The following SYNDIG1 variants were observed in gnomAD, a reference collection of about 807,000 sequenced individuals.
The protein encoded by SYNDIG1 is synapse differentiation-inducing gene protein 1.
In SYNDIG1, 9 loss-of-function variants were observed where a neutral mutation model predicts 19.4. That is an observed-to-expected ratio of 0.46 (90% CI 0.28 to 0.81). The LOEUF (loss-of-function observed/expected upper bound fraction) is 0.81, where lower values mean the gene tolerates loss of function less well. Ranked by LOEUF, SYNDIG1 falls within the 30% of genes least tolerant of loss-of-function variation. The probability of loss-of-function intolerance (pLI) is 0.12; values close to 1 mark genes in which losing one functional copy is unlikely to be tolerated. For synonymous variants in SYNDIG1, 141 were observed against 145.9 expected, an observed-to-expected ratio of 0.97 and a Z score of 0.24; for missense variants, 311 against 343.3, an observed-to-expected ratio of 0.91 and a Z score of 0.74.
intron 1 of SYNDIG1, among the ~76,000 whole-genome samples, chr20:24,516,611 C>A (rs537953733): frequency 1.3e-5 from 2 of 152,318 alleles, no homozygotes; most frequent in South Asian, 4.2e-4. Context: ...ATCAAAACCA[C>A]AATGAGATAC....
At chr20:24,470,282 G>A (rs1313989785) in intron 1 of SYNDIG1, among the ~76,000 whole-genome samples, 1 of 152,224 alleles carries the variant, frequency 6.6e-6, no homozygotes, top group African/African-American at 2.4e-5. Flanking sequence ...TTTGGGAGTA[G>A]GAAGGGAAAC....
Position 24,543,184 on chromosome 20 carries a change from A to C in SYNDIG1, c.87A>C (p.Arg29Ser). The change falls in exon 2 of 4, where the codon AGA becomes AGC. Residue 29 changes from arginine (R) to serine (S), a missense_variant. Coordinates refer to ENST00000376862, the MANE Select transcript of SYNDIG1 (RefSeq NM_024893.3). The part of the protein sequence containing the change: ...AGKRNGLINT[R>S]NLMAESRDGL... ...AGAGGAATGGTTTAATTAACACCAG[A>C]AACTTGATGGCCGAGAGCAGAGATG... 6.2e-7 allele frequency: 1 copy of C among 1,614,130 alleles called. No individual in the cohort carries two copies. The highest frequency in any genetic ancestry group is 2.2e-5 in the East Asian group (1 of 44,876).
chr20:24,589,375 AT>A (rs1196432476), intron 3 of SYNDIG1, among the ~76,000 whole-genome samples: 1 of 152,262 alleles, frequency 6.6e-6, no homozygotes, highest in Non-Finnish European at 1.5e-5. Flanking sequence ...CCTTAAAGCC[AT>A]ATTTTCTGCA....
chr20:24,558,046 A>G (rs1229413134), intron 2 of SYNDIG1, among the ~76,000 whole-genome samples: 1 of 152,120 alleles, frequency 6.6e-6, no homozygotes, highest in African/African-American at 2.4e-5. Context: ...GAAGTGTAAC[A>G]ATGTATAGGA....
intron 3 of SYNDIG1, among the ~76,000 whole-genome samples, chr20:24,661,785 G>A (rs1490554332): frequency 6.6e-6 from 1 of 152,118 alleles, no homozygotes; most frequent in East Asian, 1.9e-4. Flanking sequence ...TCCACCAGGA[G>A]CGTCAGAAGG....
intron 1 of SYNDIG1, among the ~76,000 whole-genome samples, chr20:24,538,036 G>T (rs1025551037): frequency 6.6e-6 from 1 of 152,082 alleles, no homozygotes; most frequent in Non-Finnish European, 1.5e-5. Flanking sequence ...ACTTTAGCAT[G>T]AATCTCCACA....
chr20:24,628,874 G>A (rs1568699813), intron 3 of SYNDIG1, among the ~76,000 whole-genome samples: 1 of 152,288 alleles, frequency 6.6e-6, no homozygotes, highest in East Asian at 1.9e-4. Context: ...CAGTCTCCAC[G>A]CTTTGCAGAT....
Position 24,484,255 on chromosome 20 carries a change from GA to G in SYNDIG1, c.-79+14503del, listed in dbSNP as rs2055892929. Among the ~76,000 whole-genome samples the G allele has an allele frequency of 2.0e-5, 3 of 152,172 alleles. No individual in the cohort carries two copies. The East Asian group carries it at 5.8e-4, about 29-fold the overall frequency. On this transcript the variant is annotated intron_variant, in intron 1 of 3. Coordinates refer to ENST00000376862, the MANE Select transcript of SYNDIG1 (RefSeq NM_024893.3). ...CCATTCTCTCAGGCAGGTGCTGTCAGAGTGTATCTGGAGCCAGAAGAGTGGG... is the reference window on the plus strand; with the variant it reads ...CCATTCTCTCAGGCAGGTGCTGTCAGGTGTATCTGGAGCCAGAAGAGTGGG...
intron 3 of SYNDIG1, among the ~76,000 whole-genome samples, chr20:24,634,079 G>A (rs993609206): frequency 1.4e-4 from 22 of 152,192 alleles, no homozygotes; most frequent in Non-Finnish European, 7.3e-5. Flanking sequence ...GAGAAAGAAA[G>A]CATGAAAACT....
intron 2 of SYNDIG1, among the ~76,000 whole-genome samples, chr20:24,552,477 TC>T (rs1251737583): frequency 6.6e-6 from 1 of 151,724 alleles, no homozygotes; most frequent in African/African-American, 2.4e-5. Flanking sequence ...CCCACAACAG[TC>T]CCCAGAGTGT....
At chr20:24,489,812 A>G (rs2056095327) in intron 1 of SYNDIG1, among the ~76,000 whole-genome samples, 1 of 152,254 alleles carries the variant, frequency 6.6e-6, no homozygotes, top group Non-Finnish European at 1.5e-5. Context: ...CGGTTCAGGG[A>G]CAGACTCGAG....
chr20:24,603,009 C>T (rs552697850), intron 3 of SYNDIG1, among the ~76,000 whole-genome samples: 1 of 152,214 alleles, frequency 6.6e-6, no homozygotes, highest in African/African-American at 2.4e-5. Context: ...TGAGGAGTGT[C>T]AGGACATGGG....
At chr20:24,482,907 A>G (rs945021423) in intron 1 of SYNDIG1, among the ~76,000 whole-genome samples, 1 of 152,240 alleles carries the variant, frequency 6.6e-6, no homozygotes, top group Non-Finnish European at 1.5e-5. Flanking sequence ...GCTGTTCTCC[A>G]CATTGTTAAT....
At chr20:24,481,656 G>A (rs1360194683) in intron 1 of SYNDIG1, among the ~76,000 whole-genome samples, 2 of 152,212 alleles carry the variant, frequency 1.3e-5, no homozygotes, top group Admixed American at 1.3e-4. Flanking sequence ...TATGAACCAT[G>A]TATTCAATCT....
intron 2 of SYNDIG1, among the ~76,000 whole-genome samples, chr20:24,547,598 G>C (rs2057605489): frequency 6.6e-6 from 1 of 152,126 alleles, no homozygotes; most frequent in Non-Finnish European, 1.5e-5. Context: ...GGCATCCTGT[G>C]GGGGTGCCCT....
At chr20:24,477,818 T>C (rs2055678840) in intron 1 of SYNDIG1, among the ~76,000 whole-genome samples, 1 of 152,180 alleles carries the variant, frequency 6.6e-6, no homozygotes, top group South Asian at 2.1e-4. Flanking sequence ...TGGGGTGCGA[T>C]GGAGGGGCTG....
At chr20:24,645,542 G>A (rs2059415110) in intron 3 of SYNDIG1, among the ~76,000 whole-genome samples, 1 of 152,214 alleles carries the variant, frequency 6.6e-6, no homozygotes, top group Non-Finnish European at 1.5e-5. Flanking sequence ...ACAACGGAGA[G>A]TGAAAGAGGG....
At chr20:24,503,277 C>T (rs897762518) in intron 1 of SYNDIG1, among the ~76,000 whole-genome samples, 2 of 152,178 alleles carry the variant, frequency 1.3e-5, no homozygotes, top group African/African-American at 2.4e-5. Context: ...CAAGGCAGGG[C>T]GGACAGGTGG....
Position 24,543,246 on chromosome 20 carries a change from GC to G in SYNDIG1, c.151del (p.His51ThrfsTer91), listed in dbSNP as rs1295064190. ...VSVYPAPQYQ[S>X]HRVGASTVPA... ...GTTTACCCAGCGCCCCAGTACCAGA[GC>G]CACCGGGTGGGGGCCAGCACAGTGC... On this transcript the variant is annotated frameshift_variant, in exon 2 of 4. Transcript: ENST00000376862. LOFTEE classifies it high-confidence loss of function. 1 of 1,613,814 alleles carries G rather than the reference GC, an allele frequency of 6.2e-7. No homozygotes were observed. The highest frequency in any genetic ancestry group is 1.7e-5 in the Admixed American group (1 of 60,026).
Sources: gnomAD v4.1 joint callset for allele counts (sites outside exome capture counted in the v4.1 genomes callset) on GRCh38, gnomAD v4.1.1 for gene constraint, MANE v1.5 for transcripts, NCBI Gene and HGNC (gene_info 2026-07-23, HGNC 2026-07-21) for gene names.